The following IBTK variants were observed in gnomAD, a reference collection of about 807,000 sequenced individuals.
IBTK encodes the protein BTK-binding protein.
IBTK carries 83 observed loss-of-function variants against 154.9 expected under a neutral mutation model. That is an observed-to-expected ratio of 0.54 (90% CI 0.45 to 0.64). The LOEUF (loss-of-function observed/expected upper bound fraction) is 0.64, where lower values mean the gene tolerates loss of function less well. Ranked by LOEUF, IBTK falls within the 30% of genes least tolerant of loss-of-function variation. The pLI, the probability that IBTK is intolerant of heterozygous loss-of-function variation, is 0.00. For synonymous variants in IBTK, 515 were observed against 536.1 expected, an observed-to-expected ratio of 0.96 and a Z score of 0.54; for missense variants, 1,332 against 1,584.6, an observed-to-expected ratio of 0.84 and a Z score of 2.71.
rs1024378811 is a variant in IBTK at position 82,176,795 on chromosome 6, G to A, written c.3726-3357C>T. Reference sequence around the variant, plus strand: ...TAATTTGTGGAATTTCCTGAGATGAGTCCCCCACCCCTGGCACCCTAACTC... The same window carrying A: ...TAATTTGTGGAATTTCCTGAGATGAATCCCCCACCCCTGGCACCCTAACTC... On this transcript the variant is annotated intron_variant, in intron 26 of 28. Coordinates refer to ENST00000306270, the MANE Select transcript of IBTK (RefSeq NM_015525.4). Among the ~76,000 whole-genome samples, 201 of 151,906 alleles carry A rather than the reference G, an allele frequency of 1.3e-3. 2 individuals carry two copies. Among genetic ancestry groups the A allele is most frequent in the African/African-American group, 4.6e-3 (192 of 41,440 alleles).
Position 82,199,624 on chromosome 6 carries a change from T to C in IBTK, c.3025+517A>G, listed in dbSNP as rs1421958658. Among the ~76,000 whole-genome samples the C allele has an allele frequency of 3.9e-5, 6 of 152,172 alleles. No homozygotes were observed. In the East Asian group the frequency reaches 1.2e-3, roughly 29 times the overall value. On this transcript the variant is annotated intron_variant, in intron 21 of 28. Transcript: ENST00000306270. ...ATCTCTGTCATGTTTTGCCAACCTC[T>C]AAACCCCTATGCCACTGGAAAGAGT... is the stretch of plus-strand genomic sequence containing the variant.
At chr6:82,180,054 A>ATAGG (rs70984225) in intron 26 of IBTK, among the ~76,000 whole-genome samples, 1 of 152,150 alleles carries the variant, frequency 6.6e-6, no homozygotes, top group Non-Finnish European at 1.5e-5. Flanking sequence ...TTTGTTCACC[A>ATAGG]CTGCAACTCT....
At chr6:82,217,424 G>A (rs1025192828) in intron 10 of IBTK, among the ~76,000 whole-genome samples, 1 of 152,036 alleles carries the variant, frequency 6.6e-6, no homozygotes, top group Non-Finnish European at 1.5e-5. Flanking sequence ...TTACATACAT[G>A]TCTATTGCCC....
chr6:82,211,693 A>C (rs1421902298), intron 13 of IBTK, 121 bp from the exon 14 acceptor site: 2 of 715,590 alleles, frequency 2.8e-6, no homozygotes, highest in African/African-American at 3.6e-5. Flanking sequence ...AATAACTTGC[A>C]GGAATACATA....
At position 82,200,659 on chromosome 6, in the gene IBTK, T is replaced by A. The variant is rs1769168726; in HGVS notation, c.2840A>T (p.Asp947Val). The A allele has an allele frequency of 6.3e-7, 1 of 1,599,096 alleles. No homozygotes were observed. The highest frequency in any genetic ancestry group is 2.2e-5 in the East Asian group (1 of 44,670). Reference protein sequence around the residue: ...RVITPYQDGPDISYLEVEDGD... With the variant: ...RVITPYQDGPVISYLEVEDGD... Reference sequence around the variant, plus strand: ...ATCTTCTACTTCCAAATAGCTAATATCTGGTCCATCTTGATATGGTGTAAT... The same window carrying A: ...ATCTTCTACTTCCAAATAGCTAATAACTGGTCCATCTTGATATGGTGTAAT... The change falls in exon 20 of 29, where the codon GAT (aspartate) becomes GTT (valine). Residue 947 changes from aspartate to valine, a missense_variant. Asp to Val is a radical substitution (Grantham distance 152). Around this residue, in one of 3 missense-constraint regions of IBTK, gnomAD observed 1,134 missense variants for 1,274.7 expected, o/e 0.89. Transcript: ENST00000306270.
intron 23 of IBTK, among the ~76,000 whole-genome samples, chr6:82,193,213 G>C (rs2127803983): frequency 6.6e-6 from 1 of 152,058 alleles, no homozygotes; most frequent in South Asian, 2.1e-4. Context: ...ACTACAAAAT[G>C]AATGTAGAAA....
chr6:82,241,821 TAAG>T (rs1364844721), intron 1 of IBTK, among the ~76,000 whole-genome samples: 4 of 152,284 alleles, frequency 2.6e-5, no homozygotes, highest in Admixed American at 6.5e-5. Context: ...AAATTGGCTA[TAAG>T]AAGACTATTT....
intron 16 of IBTK, 115 bp downstream of exon 16, chr6:82,210,699 A>G: frequency 2.4e-6 from 1 of 410,160 alleles, no homozygotes; most frequent in Non-Finnish European, 4.4e-6. Flanking sequence ...TTAAAAATAA[A>G]ATAAATTAAG....
At chr6:82,242,759 A>G (rs528539097) in intron 1 of IBTK, among the ~76,000 whole-genome samples, 11 of 151,862 alleles carry the variant, frequency 7.2e-5, no homozygotes, top group African/African-American at 2.7e-4. Flanking sequence ...ATCCTGGCCA[A>G]GATGGTGAAA....
intron 26 of IBTK, chr6:82,175,073 G>A: frequency 2.2e-6 from 1 of 453,676 alleles, no homozygotes; most frequent in Non-Finnish European, 4.4e-6. Flanking sequence ...TGCTAGACTA[G>A]TCTCTTGGGG....
intron 23 of IBTK, among the ~76,000 whole-genome samples, 176 bp downstream of exon 23, chr6:82,194,303 G>T (rs958227235): frequency 6.6e-6 from 1 of 152,082 alleles, no homozygotes; most frequent in African/African-American, 2.4e-5. Flanking sequence ...CCTGGGGTTG[G>T]TTGGGGGGGA....
Position 82,223,481 on chromosome 6 carries a change from A to C in IBTK, c.1083T>G (p.Ile361Met). The change falls in exon 8 of 29, where the codon ATT becomes ATG. Residue 361 changes from isoleucine to methionine, a missense_variant. Coordinates refer to ENST00000306270, the MANE Select transcript of IBTK (RefSeq NM_015525.4). ...TGCACTGATAGTCTGCAAGTAAGTAAATATCTCCCCTTGTGGTAACACAGA... is the reference window on the plus strand; with the variant it reads ...TGCACTGATAGTCTGCAAGTAAGTACATATCTCCCCTTGTGGTAACACAGA... ...ATVCVTTRGD[I>M]YLLADYQCKK... The C allele has an allele frequency of 6.2e-7, 1 of 1,614,102 alleles. No homozygotes were observed. Among genetic ancestry groups the C allele is most frequent in the South Asian group, 1.1e-5 (1 of 91,042 alleles).
chr6:82,219,653 ATAATCTTTT>A (rs1447285813), intron 9 of IBTK, among the ~76,000 whole-genome samples: 5 of 150,324 alleles, frequency 3.3e-5, no homozygotes, highest in Non-Finnish European at 5.9e-5. Context: ...ATTTCAGAAA[ATAATCTTTT>A]TAAATATTTT....
intron 16 of IBTK, among the ~76,000 whole-genome samples, chr6:82,207,654 A>T (rs931774470): frequency 2.0e-5 from 3 of 152,216 alleles, no homozygotes; most frequent in African/African-American, 7.2e-5. Context: ...AGAACACAGT[A>T]GGAAAACTCA....
chr6:82,214,652 A>G lies in IBTK; in HGVS notation c.1779T>C (p.Phe593=). ...AVHSDFFQKL[F]LSDGNTSEFT... is the part of the protein sequence containing the mutation. ...ATTCTGAAGTATTACCATCTGAAAG[A>G]AACAATTTCTGAAAAAAATCAGAAT... Residue 593 remains phenylalanine, a synonymous_variant, in exon 12 of 29, where the codon TTT becomes TTC. Transcript: ENST00000306270. 6.2e-7 allele frequency: 1 copy of G among 1,614,074 alleles called. No individual in the cohort carries two copies. Among genetic ancestry groups the G allele is most frequent in the African/African-American group, 1.3e-5 (1 of 75,054 alleles).
Position 82,191,060 on chromosome 6 carries a change from A to C in IBTK, c.3575+13T>G, listed in dbSNP as rs1392160126. The stretch of plus-strand genomic sequence containing the variant: ...ACAAATCTATATTAATTTTAATAAA[A>C]ATAAGAGCATACCATGCATTCACTG... On this transcript the variant is annotated intron_variant, in intron 25 of 28. Transcript: ENST00000306270. 2.5e-5 allele frequency: 38 copies of C among 1,496,948 alleles called. No homozygotes were observed. Among genetic ancestry groups the C allele is most frequent in the Non-Finnish European group, 3.4e-5 (38 of 1,127,250 alleles). 92.7% of individuals were successfully genotyped at this position (1,496,948 alleles called of 1,614,324 possible). A position where few individuals can be genotyped will look rare whatever the true frequency, so the allele number is the denominator to read the frequency against.
intron 1 of IBTK, among the ~76,000 whole-genome samples, chr6:82,245,980 T>C (rs686789): frequency 0.43 from 65,820 of 152,010 alleles, 14,661 homozygotes; most frequent in East Asian, 0.75. Flanking sequence ...TTTTATACAT[T>C]ATACACAGTG....
At chr6:82,235,444 A>G (rs1770680444) in intron 2 of IBTK, among the ~76,000 whole-genome samples, 1 of 152,038 alleles carries the variant, frequency 6.6e-6, no homozygotes, top group African/African-American at 2.4e-5. Context: ...AAATACAAAA[A>G]TTAGTCAGGT....
chr6:82,247,717 C>G lies in IBTK; in HGVS notation c.-513G>C. 2.5e-6 allele frequency: 1 copy of G among 398,346 alleles called. No individual in the cohort carries two copies. The highest frequency in any genetic ancestry group is 3.6e-5 in the East Asian group (1 of 28,050). 24.7% of individuals were successfully genotyped at this position (398,346 alleles called of 1,614,324 possible). On this transcript the variant is annotated 5_prime_UTR_variant, in exon 1 of 29. Transcript: ENST00000306270. ...GTTCGGCAGGCGGCTGCAATACAGCCGCTACTACAGGAATCGGGAACGGGG... is the reference window on the plus strand; with the variant it reads ...GTTCGGCAGGCGGCTGCAATACAGCGGCTACTACAGGAATCGGGAACGGGG...
Sources: allele counts gnomAD v4.1 joint callset (sites outside exome capture counted in the v4.1 genomes callset), GRCh38; gene constraint gnomAD v4.1.1; regional missense constraint gnomAD v4.1.1; transcripts MANE v1.5; gene names NCBI Gene and HGNC (gene_info 2026-07-23, HGNC 2026-07-21).